The following DNAJB2 variants were observed in gnomAD, a reference collection of about 807,000 sequenced individuals.
The protein encoded by DNAJB2 is DnaJ heat shock protein family (Hsp40) member B2, also known as dnaJ homolog subfamily B member 2.
Under a neutral mutation model 33.3 loss-of-function variants are expected in DNAJB2, and 19 were observed. The observed-to-expected ratio is 0.57, with a 90% confidence interval of 0.40 to 0.84. The LOEUF (loss-of-function observed/expected upper bound fraction) is 0.84, where lower values mean the gene tolerates loss of function less well. Among genes scored for constraint, DNAJB2 ranks in the 40% least tolerant of loss-of-function variants. The probability of loss-of-function intolerance (pLI) is 0.00; values close to 1 mark genes in which losing one functional copy is unlikely to be tolerated. For missense variants in DNAJB2, 368 were observed against 430.9 expected (o/e 0.85, Z 1.29); for synonymous variants, 172 against 164.6 (o/e 1.04, Z -0.34).
At chr2:219,280,489 G>A in intron 2 of DNAJB2, 89 bp from the exon 3 acceptor site, 2 of 1,005,384 alleles carry the variant, frequency 2.0e-6, no homozygotes, top group South Asian at 1.4e-5. Context: ...GACAGTGATA[G>A]GCTAATGGGA....
In DNAJB2 at chr2:219,285,433, A is replaced by T. The variant is rs1024209158; in HGVS notation, c.*446A>T. 1 of 1,005,400 alleles carries T rather than the reference A, an allele frequency of 9.9e-7. No homozygotes were observed. Among genetic ancestry groups the T allele is most frequent in the Non-Finnish European group, 1.2e-6 (1 of 843,094 alleles). 62.3% of individuals were successfully genotyped at this position (1,005,400 alleles called of 1,614,324 possible). On this transcript the variant is annotated 3_prime_UTR_variant, in exon 9 of 9. Transcript: ENST00000336576. ...GTGGAGCCTCCTGCTCTCCTGGACC[A>T]GCTGCAGACCCCCAACCCTGGTTTC...
At chr2:219,282,383 G>A in intron 5 of DNAJB2, 1 of 406,878 alleles carries the variant, frequency 2.5e-6, no homozygotes, top group Non-Finnish European at 4.4e-6. Context: ...AAAACAGATA[G>A]TGGTATTTTT....
rs930347377 is a variant in DNAJB2, at chr2:219,279,482, G to A, written c.-73G>A. ...ACGGTTCCCGGCGGGGGGCAGGGGC[G>A]GGGCGCCGCAGGAGGCCGGGACTCC... On this transcript the variant is annotated 5_prime_UTR_variant, in exon 1 of 9. Coordinates refer to ENST00000336576, the MANE Select transcript of DNAJB2 (RefSeq NM_006736.6). This position sits in a 1 kb window ranked among gnomAD's most constrained non-coding sequence, Gnocchi z 4.9. 1.9e-4 allele frequency: 43 copies of A among 224,226 alleles called. No individual in the cohort carries two copies. The highest frequency in any genetic ancestry group is 1.9e-4 in the Non-Finnish European group (21 of 113,356). The allele number at this position is 224,226 out of a possible 1,614,324, so 13.9% of individuals were successfully genotyped here.
intron 8 of DNAJB2, among the ~76,000 whole-genome samples, chr2:219,284,018 G>A (rs141817727): frequency 1.3e-5 from 2 of 152,298 alleles, no homozygotes; most frequent in East Asian, 1.9e-4. Flanking sequence ...CCAGCACTGC[G>A]TACCAAGCCC....
intron 3 of DNAJB2, 46 bp from the exon 4 acceptor site, chr2:219,281,672 A>C: frequency 6.2e-7 from 1 of 1,610,626 alleles, no homozygotes; most frequent in Non-Finnish European, 8.5e-7. Context: ...CTGGGAGGGG[A>C]GCCCATCCCA....
In DNAJB2 at chr2:219,280,663, G is replaced by C. The variant is rs1202835546; in HGVS notation, c.151G>C (p.Glu51Gln). The C allele has an allele frequency of 7.4e-6, 12 of 1,613,858 alleles. No individual in the cohort carries two copies. The African/African-American group carries it at 1.6e-4, about 22-fold the overall frequency. Residue 51 changes from glutamate (E) to glutamine (Q), a missense_variant, in exon 3 of 9, where the codon GAG (glutamate) becomes CAG (glutamine). Transcript: ENST00000336576. ...TGAGAAGAAATTTAAGGAGGTGGCC[G>C]AGGCATATGAAGTGCTGTCTGACAG... ...FAEKKFKEVA[E>Q]AYEVLSDKHK...
At chr2:219,280,464 A>AC (rs1004850019) in intron 2 of DNAJB2, 114 bp from the exon 3 acceptor site, 15 of 745,304 alleles carry the variant, frequency 2.0e-5, no homozygotes, top group African/African-American at 1.8e-4. Flanking sequence ...GTGGACTGGG[A>AC]CCCGGGGGTG....
chr2:219,284,786 C>T lies in DNAJB2; in HGVS notation c.774C>T (p.Ala258=), dbSNP rs1195884483. Residue 258 remains alanine, a synonymous_variant, in exon 9 of 9, where the codon GCC becomes GCT. Coordinates refer to ENST00000336576, the MANE Select transcript of DNAJB2 (RefSeq NM_006736.6). ...DLSEDEDLQL[A]MAYSLSEMEA... ...CTGAGGATGAGGACCTGCAGCTGGCCATGGCCTACAGCCTGTCAGAGATGG... is the reference window on the plus strand; with the variant it reads ...CTGAGGATGAGGACCTGCAGCTGGCTATGGCCTACAGCCTGTCAGAGATGG... 1 of 1,613,232 alleles carries T rather than the reference C, an allele frequency of 6.2e-7. No individual in the cohort carries two copies. The highest frequency in any genetic ancestry group is 1.7e-5 in the Admixed American group (1 of 59,968).
intron 5 of DNAJB2, 159 bp downstream of exon 5, chr2:219,282,220 C>G: frequency 8.9e-7 from 1 of 1,119,384 alleles, no homozygotes; most frequent in East Asian, 2.5e-5. Context: ...GGGACAGAAC[C>G]TCACGTGTGC....
Position 219,284,646 on chromosome 2 carries a change from C to G in DNAJB2, c.634C>G (p.Leu212Val). The change falls in exon 9 of 9, where the codon CTG (leucine) becomes GTG (valine). Residue 212 changes from leucine (L) to valine (V), a missense_variant. Coordinates refer to ENST00000336576, the MANE Select transcript of DNAJB2 (RefSeq NM_006736.6). ...SVTINGVPDD[L>V]ALGLELSRRE... ...GACTCTTGCAGGTGTCCCAGATGAC[C>G]TGGCACTGGGCTTGGAGCTGAGCCG... The G allele has an allele frequency of 1.3e-6, 2 of 1,590,322 alleles. No homozygotes were observed. The highest frequency in any genetic ancestry group is 1.7e-6 in the Non-Finnish European group (2 of 1,164,170).
Position 219,286,070 on chromosome 2 carries a change from A to G in DNAJB2, c.*1083A>G. 2 of 1,152,348 alleles carry G rather than the reference A, an allele frequency of 1.7e-6. No individual in the cohort carries two copies. Among genetic ancestry groups the G allele is most frequent in the African/African-American group, 2.2e-5 (1 of 46,294 alleles). 71.4% of individuals were successfully genotyped at this position (1,152,348 alleles called of 1,614,324 possible). On this transcript the variant is annotated 3_prime_UTR_variant, in exon 9 of 9. Coordinates refer to ENST00000336576, the MANE Select transcript of DNAJB2 (RefSeq NM_006736.6). ...GCCTTCCCCCATGCGCTGGGAGGGG[A>G]CCCTCCATTTCTCCCCCTCACCCAT...
Position 219,285,040 on chromosome 2 carries a change from CTG to C in DNAJB2, c.*56_*57del, listed in dbSNP as rs1277912527. ...GATCTTGACTGGGGGGTCTGACTCACTGTGGGAAGAGAAGAGGGGAGTATCCT... is the reference window on the plus strand; with the variant it reads ...GATCTTGACTGGGGGGTCTGACTCACTGGGAAGAGAAGAGGGGAGTATCCT... On this transcript the variant is annotated 3_prime_UTR_variant, in exon 9 of 9. Transcript: ENST00000336576. 8.3e-6 allele frequency: 12 copies of C among 1,441,740 alleles called. No individual in the cohort carries two copies. The South Asian group carries it at 1.5e-4, about 18-fold the overall frequency. The allele number at this position is 1,441,740 out of a possible 1,614,324, so 89.3% of individuals were successfully genotyped here. A position where few individuals can be genotyped will look rare whatever the true frequency, so the allele number is the denominator to read the frequency against.
At chr2:219,283,296 T>C (rs1361936098) in intron 7 of DNAJB2, 61 bp downstream of exon 7, 18 of 1,610,902 alleles carry the variant, frequency 1.1e-5, no homozygotes, top group Middle Eastern at 1.6e-4. Flanking sequence ...TGTGTTCAAA[T>C]AGAAAGTTGG....
Position 219,286,380 on chromosome 2 carries a change from A to G in DNAJB2, c.*1393A>G, listed in dbSNP as rs369652355. The G allele has an allele frequency of 4.7e-6, 1 of 213,262 alleles. No individual in the cohort carries two copies. 13.2% of individuals were successfully genotyped at this position (213,262 alleles called of 1,614,324 possible). ...TTTGATTTATCCCTGTAGGGCTGGC[A>G]GGGTTGTAGATGAAGGGGGAATGAT... On this transcript the variant is annotated 3_prime_UTR_variant, in exon 9 of 9. Transcript: ENST00000336576.
In DNAJB2 at chr2:219,281,707, T is replaced by G. The variant is rs1035188417; in HGVS notation, c.176-11T>G. On this transcript the variant is annotated splice_polypyrimidine_tract_variant and intron_variant, in intron 3 of 8. Transcript: ENST00000336576. ...AGAGGGAGGGTGAAATGATCTGGTC[T>G]CTTTTTGCAGAGCACAAGCGGGAGA... 6.2e-7 allele frequency: 1 copy of G among 1,613,968 alleles called. No individual in the cohort carries two copies. The highest frequency in any genetic ancestry group is 8.5e-7 in the Non-Finnish European group (1 of 1,180,016).
At chr2:219,283,010 C>A in intron 6 of DNAJB2, 81 bp downstream of exon 6, 2 of 1,568,360 alleles carry the variant, frequency 1.3e-6, no homozygotes, top group Admixed American at 1.8e-5. Context: ...CCAAGCCTGT[C>A]TCCTGTGTTG....
rs4432441 is a variant in DNAJB2 at position 219,286,059 on chromosome 2, G to A, written c.*1072G>A. 18,992 of 1,602,886 alleles carry A rather than the reference G, an allele frequency of 0.012. 512 individuals are homozygous for A. Among genetic ancestry groups the A allele is most frequent in the African/African-American group, 0.075 (5,632 of 74,670 alleles). On this transcript the variant is annotated 3_prime_UTR_variant, in exon 9 of 9. Transcript: ENST00000336576. ...AACAGGACAGCGCCTTCCCCCATGC[G>A]CTGGGAGGGGACCCTCCATTTCTCC...
Position 219,279,603 on chromosome 2 carries a change from G to T in DNAJB2, c.-37+85G>T. The T allele has an allele frequency of 1.8e-6, 1 of 544,122 alleles. No homozygotes were observed. 33.7% of individuals were successfully genotyped at this position (544,122 alleles called of 1,614,324 possible). On this transcript the variant is annotated intron_variant, in intron 1 of 8. Coordinates refer to ENST00000336576, the MANE Select transcript of DNAJB2 (RefSeq NM_006736.6). The surrounding 1 kb of genome is among the most constrained non-coding windows in gnomAD (Gnocchi z 4.9). ...GCCCCGATAGGGCTCCTGGGCCTGGGCGTCGAGATAGCTCTTGGCCCCGGC... is the reference window on the plus strand; with the variant it reads ...GCCCCGATAGGGCTCCTGGGCCTGGTCGTCGAGATAGCTCTTGGCCCCGGC...
At position 219,284,878 on chromosome 2, in the gene DNAJB2, C is replaced by T. The variant is rs1380283947; in HGVS notation, c.866C>T (p.Ala289Val). 6.2e-7 allele frequency: 1 copy of T among 1,607,778 alleles called. No individual in the cohort carries two copies. The highest frequency in any genetic ancestry group is 1.7e-5 in the Admixed American group (1 of 59,650). ...CACCGACGGCAGGGGCGGCCCAAGG[C>T]CCAGCACCAAGATCCAGGCTTGGGG... ...AQHRRQGRPK[A>V]QHQDPGLGGT... is the part of the protein sequence containing the mutation. Residue 289 changes from alanine to valine, a missense_variant, in exon 9 of 9, where the codon GCC becomes GTC. Ala to Val is a moderately conservative substitution (Grantham distance 64). Coordinates refer to ENST00000336576, the MANE Select transcript of DNAJB2 (RefSeq NM_006736.6).
Sources: gnomAD v4.1 joint callset for allele counts (sites outside exome capture counted in the v4.1 genomes callset) on GRCh38, gnomAD v4.1.1 for gene constraint, Gnocchi (gnomAD v3.1) non-coding constraint, MANE v1.5 for transcripts, NCBI Gene and HGNC (gene_info 2026-07-23, HGNC 2026-07-21) for gene names.